TCF12: variants seen among roughly 807,000 people sequenced by gnomAD.
TCF12 encodes DNA-binding protein HTF4.
TCF12 carries 45 observed loss-of-function variants against 86.0 expected under a neutral mutation model. That is an observed-to-expected ratio of 0.52 (90% CI 0.41 to 0.67). The LOEUF is 0.67. Among genes scored for constraint, TCF12 ranks in the 30% least tolerant of loss-of-function variants. The probability of loss-of-function intolerance (pLI) is 0.00; values close to 1 mark genes in which losing one functional copy is unlikely to be tolerated. For synonymous variants in TCF12, 330 were observed against 299.6 expected, an observed-to-expected ratio of 1.10 and a Z score of -1.05; for missense variants, 881 against 859.9, an observed-to-expected ratio of 1.02 and a Z score of -0.31.
At chr15:57,222,521 GT>G (rs1566938573) in intron 8 of TCF12, among the ~76,000 whole-genome samples, 1 of 151,640 alleles carries the variant, frequency 6.6e-6, no homozygotes. Context: ...ATGTTGTAAG[GT>G]ATTAATGTGG....
intron 5 of TCF12, among the ~76,000 whole-genome samples, chr15:57,157,109 G>A (rs1945083703): frequency 6.6e-6 from 1 of 152,168 alleles, no homozygotes; most frequent in African/African-American, 2.4e-5. Context: ...TTGTTTTGGA[G>A]TAAGTGGAGT....
chr15:56,928,411 G>A (rs1385927956), intron 3 of TCF12, among the ~76,000 whole-genome samples: 1 of 151,860 alleles, frequency 6.6e-6, no homozygotes, highest in African/African-American at 2.4e-5. Flanking sequence ...TATATACTAG[G>A]CATTGTGATA....
chr15:57,165,165 C>T (rs553196679), intron 5 of TCF12, among the ~76,000 whole-genome samples: 1,203 of 82,580 alleles, frequency 0.015, 14 homozygotes, highest in African/African-American at 0.044. Context: ...TGTGTGTGTG[C>T]GTACACGAGA....
chr15:57,077,592 A>T (rs1421698826), intron 4 of TCF12, among the ~76,000 whole-genome samples: 4 of 151,612 alleles, frequency 2.6e-5, no homozygotes, highest in African/African-American at 9.7e-5. Context: ...GCACCTGCCT[A>T]ATTTGTATAT....
At chr15:57,088,231 G>A (rs2048771954) in intron 4 of TCF12, among the ~76,000 whole-genome samples, 1 of 152,156 alleles carries the variant, frequency 6.6e-6, no homozygotes, top group Non-Finnish European at 1.5e-5. Context: ...CCTGTTGGAA[G>A]TTACTACATT....
At chr15:57,211,797 T>A (rs547584107) in intron 8 of TCF12, among the ~76,000 whole-genome samples, 1 of 152,272 alleles carries the variant, frequency 6.6e-6, no homozygotes, top group African/African-American at 2.4e-5. Flanking sequence ...CTACTAAAAA[T>A]ACAAAACTTA....
Position 57,050,209 on chromosome 15 carries a change from G to A in TCF12, c.149-13541G>A, listed in dbSNP as rs113898870. Among the ~76,000 whole-genome samples the A allele has an allele frequency of 7.2e-5, 11 of 152,164 alleles. 1 individual carries two copies. The highest frequency in any genetic ancestry group is 2.6e-4 in the African/African-American group (11 of 41,536). On this transcript the variant is annotated intron_variant, in intron 3 of 20. Transcript: ENST00000333725. ...CACGTGCATTTTAAAGAAAATAGAG[G>A]ATAAATCATCTTTATTCGTACTCAC...
chr15:57,083,975 A>G (rs542377345), intron 4 of TCF12, among the ~76,000 whole-genome samples: 1 of 152,220 alleles, frequency 6.6e-6, no homozygotes, highest in African/African-American at 2.4e-5. Context: ...AATATATGGG[A>G]CTGGTATTTT....
chr15:57,256,911 G>T (rs1223704335), intron 16 of TCF12, among the ~76,000 whole-genome samples: 1 of 152,066 alleles, frequency 6.6e-6, no homozygotes, highest in Non-Finnish European at 1.5e-5. Context: ...CTAATTGTAG[G>T]GTTTAAATAT....
At chr15:57,134,106 G>A (rs1377660611) in intron 5 of TCF12, among the ~76,000 whole-genome samples, 1 of 152,038 alleles carries the variant, frequency 6.6e-6, no homozygotes, top group Non-Finnish European at 1.5e-5. Flanking sequence ...TTATTTATTA[G>A]GTTCTTTTTT....
intron 6 of TCF12, among the ~76,000 whole-genome samples, chr15:57,187,086 A>G (rs2056711763): frequency 6.6e-6 from 1 of 152,028 alleles, no homozygotes; most frequent in Non-Finnish European, 1.5e-5. Context: ...AGGCCAAGGC[A>G]CAAGAATTGC....
chr15:57,163,724 T>A (rs1289683984), intron 5 of TCF12, among the ~76,000 whole-genome samples: 1 of 152,092 alleles, frequency 6.6e-6, no homozygotes, highest in Admixed American at 6.6e-5. Context: ...ATGAATTAAT[T>A]CAATAAAACT....
chr15:57,051,072 T>G (rs1334360742), intron 3 of TCF12, among the ~76,000 whole-genome samples: 1 of 152,226 alleles, frequency 6.6e-6, no homozygotes. Context: ...GTAGGTGATA[T>G]GTTGTAGAAG....
At chr15:57,042,662 C>G (rs1281259782) in intron 3 of TCF12, among the ~76,000 whole-genome samples, 1 of 152,130 alleles carries the variant, frequency 6.6e-6, no homozygotes, top group African/African-American at 2.4e-5. Flanking sequence ...GACCCTCCTG[C>G]CTCTGTCTCC....
chr15:57,165,437 A>G (rs1263764769), intron 5 of TCF12, among the ~76,000 whole-genome samples: 1 of 152,178 alleles, frequency 6.6e-6, no homozygotes, highest in Non-Finnish European at 1.5e-5. Context: ...GAGAACATGA[A>G]TATATATTTA....
chr15:57,234,560 C>A (rs1371660284), intron 12 of TCF12, among the ~76,000 whole-genome samples: 1 of 151,776 alleles, frequency 6.6e-6, no homozygotes, highest in Non-Finnish European at 1.5e-5. Flanking sequence ...GCCTTCTCCC[C>A]AAAAAAGCCA....
At chr15:57,243,214 TTA>T (rs1317001520) in intron 12 of TCF12, among the ~76,000 whole-genome samples, 2 of 152,184 alleles carry the variant, frequency 1.3e-5, no homozygotes, top group African/African-American at 4.8e-5. Context: ...AACAGAAACT[TTA>T]AGTTATTTTC....
intron 3 of TCF12, among the ~76,000 whole-genome samples, chr15:56,964,292 T>A (rs1186278966): frequency 2.0e-5 from 3 of 152,174 alleles, no homozygotes; most frequent in Non-Finnish European, 2.9e-5. Flanking sequence ...TAGATAAAAA[T>A]CATTACAAAT....
intron 5 of TCF12, among the ~76,000 whole-genome samples, chr15:57,113,974 A>T (rs1194604294): frequency 6.6e-6 from 1 of 151,980 alleles, no homozygotes; most frequent in African/African-American, 2.4e-5. Flanking sequence ...GAAAAAAAAT[A>T]GTAAATTTAG....
Sources: allele counts gnomAD v4.1 joint callset (sites outside exome capture counted in the v4.1 genomes callset), GRCh38; gene constraint gnomAD v4.1.1; transcripts MANE v1.5; gene names NCBI Gene and HGNC (gene_info 2026-07-23, HGNC 2026-07-21).